Variants in SAMD12 observed in about 807,000 individuals in gnomAD.
SAMD12 encodes the protein sterile alpha motif domain-containing protein 12.
Under a neutral mutation model 15.0 loss-of-function variants are expected in SAMD12, and 9 were observed. The ratio of observed to expected loss-of-function variants is 0.60; its 90% CI spans 0.36 to 1.05. The LOEUF (loss-of-function observed/expected upper bound fraction) is 1.05, where lower values mean the gene tolerates loss of function less well. Among genes scored for constraint, SAMD12 ranks in the 50% least tolerant of loss-of-function variants. The pLI is 0.01. For synonymous variants in SAMD12, 86 were observed against 90.1 expected, an observed-to-expected ratio of 0.96 and a Z score of 0.25; for missense variants, 230 against 234.2, an observed-to-expected ratio of 0.98 and a Z score of 0.12.
At chr8:118,555,437 T>C (rs560669756) in intron 2 of SAMD12, among the ~76,000 whole-genome samples, 1 of 152,324 alleles carries the variant, frequency 6.6e-6, no homozygotes, top group African/African-American at 2.4e-5. Flanking sequence ...CTCCTCTCCA[T>C]TTCCCCTACA....
intron 2 of SAMD12, among the ~76,000 whole-genome samples, chr8:118,551,739 C>T (rs1826341684): frequency 1.3e-5 from 2 of 150,640 alleles, no homozygotes; most frequent in Admixed American, 1.3e-4. Context: ...AATCCAGGAG[C>T]TGGTTTTTTG....
chr8:118,215,035 T>C lies in SAMD12; in HGVS notation c.434-17303A>G, dbSNP rs1483939727. Among the ~76,000 whole-genome samples, 5 of 152,334 alleles carry C rather than the reference T, an allele frequency of 3.3e-5. No individual in the cohort carries two copies. In the East Asian group the frequency reaches 9.6e-4, roughly 29 times the overall value. ...CTATTTAAAAATCTGAATAAGAATA[T>C]TTAAGCTAGAGGAATATAGACATGA... is the stretch of plus-strand genomic sequence containing the variant. On this transcript the variant is annotated intron_variant, in intron 4 of 4. Transcript: ENST00000409003.
chr8:118,610,808 A>G (rs1486874043), intron 1 of SAMD12, among the ~76,000 whole-genome samples: 1 of 152,188 alleles, frequency 6.6e-6, no homozygotes, highest in Admixed American at 6.5e-5. Context: ...ATGAAAATAC[A>G]CATAATTTCC....
intron 3 of SAMD12, among the ~76,000 whole-genome samples, chr8:118,435,081 C>G (rs866171669): frequency 4.4e-5 from 1 of 22,512 alleles, no homozygotes; most frequent in Non-Finnish European, 1.3e-4. Context: ...CCAGCCTGGG[C>G]GACAGAGTGA....
chr8:118,240,649 T>A (rs1812542480), intron 4 of SAMD12, among the ~76,000 whole-genome samples: 1 of 152,168 alleles, frequency 6.6e-6, no homozygotes, highest in African/African-American at 2.4e-5. Context: ...AAATGGAAGC[T>A]ATAATTATTG....
intron 4 of SAMD12, among the ~76,000 whole-genome samples, chr8:118,314,187 T>C (rs1815765620): frequency 6.6e-6 from 1 of 152,166 alleles, no homozygotes; most frequent in African/African-American, 2.4e-5. Flanking sequence ...TTCTATAGCA[T>C]AAAATAAAAT....
chr8:118,305,199 C>G (rs1444357735), intron 4 of SAMD12, among the ~76,000 whole-genome samples: 1 of 137,492 alleles, frequency 7.3e-6, no homozygotes, highest in African/African-American at 2.6e-5. Context: ...GCATTAAGTA[C>G]GTTCACAGTG....
At chr8:118,209,741 T>C (rs1819965993) in intron 4 of SAMD12, among the ~76,000 whole-genome samples, 1 of 152,240 alleles carries the variant, frequency 6.6e-6, no homozygotes, top group Non-Finnish European at 1.5e-5. Context: ...TGCAAAGCTG[T>C]GGGGCTTAAA....
chr8:118,160,040 A>G, the SAMD12 span, among the ~76,000 whole-genome samples: 1 of 152,174 alleles, frequency 6.6e-6, no homozygotes, highest in African/African-American at 2.4e-5. Context: ...CTTTACAACA[A>G]GACCCAAAAG....
intron 1 of SAMD12, among the ~76,000 whole-genome samples, chr8:118,616,867 G>A (rs1446180414): frequency 6.6e-6 from 1 of 152,214 alleles, no homozygotes; most frequent in African/African-American, 2.4e-5. Flanking sequence ...GATTCTCAGA[G>A]GAGTGCAAAC....
At chr8:118,283,307 A>G (rs76545892) in intron 4 of SAMD12, among the ~76,000 whole-genome samples, 1,744 of 152,292 alleles carry the variant, frequency 0.011, 13 homozygotes, top group Admixed American at 0.024. Context: ...TCATCAATCA[A>G]TGAATATGAT....
chr8:118,426,870 A>G (rs989443424), intron 3 of SAMD12, among the ~76,000 whole-genome samples: 2 of 152,232 alleles, frequency 1.3e-5, no homozygotes, highest in Non-Finnish European at 2.9e-5. Flanking sequence ...TTTTTAATTA[A>G]AAAATATTAA....
At chr8:118,385,060 G>A (rs967033117) in intron 3 of SAMD12, among the ~76,000 whole-genome samples, 2 of 152,124 alleles carry the variant, frequency 1.3e-5, no homozygotes, top group Non-Finnish European at 2.9e-5. Context: ...GCAATCTGAA[G>A]CTTGAGCATA....
intron 2 of SAMD12, among the ~76,000 whole-genome samples, chr8:118,554,116 T>A (rs1214736012): frequency 1.3e-5 from 2 of 151,970 alleles, no homozygotes; most frequent in African/African-American, 4.8e-5. Context: ...ATTGTGGAAG[T>A]CAGTGTGGTG....
chr8:118,377,435 A>G (rs895518617), downstream of SAMD12, among the ~76,000 whole-genome samples: 13 of 152,166 alleles, frequency 8.5e-5, no homozygotes, highest in Non-Finnish European at 1.8e-4. Flanking sequence ...CTATGTAAAG[A>G]ACAAGCAATA....
intron 1 of SAMD12, among the ~76,000 whole-genome samples, chr8:118,619,494 A>AT (rs1423743666): frequency 1.3e-5 from 2 of 151,332 alleles, no homozygotes; most frequent in Non-Finnish European, 2.9e-5. Flanking sequence ...AAAAAAAAAA[A>AT]AAATCTCCCA....
At chr8:118,598,828 G>A (rs949544272) in intron 1 of SAMD12, among the ~76,000 whole-genome samples, 3 of 152,152 alleles carry the variant, frequency 2.0e-5, no homozygotes, top group African/African-American at 7.2e-5. Flanking sequence ...TCTGAAGAAC[G>A]TATGCAATCA....
At chr8:118,165,628 A>ACATATATACG in the SAMD12 span, among the ~76,000 whole-genome samples, 4 of 144,032 alleles carry the variant, frequency 2.8e-5, no homozygotes, top group South Asian at 8.6e-4. Flanking sequence ...ATATATATAT[A>ACATATATACG]TATATATACA....
At chr8:118,573,737 A>G (rs1827080155) in intron 2 of SAMD12, among the ~76,000 whole-genome samples, 1 of 152,242 alleles carries the variant, frequency 6.6e-6, no homozygotes, top group African/African-American at 2.4e-5. Context: ...TCAGTAAGAC[A>G]TCCTCTGCTC....
Sources: allele counts gnomAD v4.1 joint callset (sites outside exome capture counted in the v4.1 genomes callset), GRCh38; gene constraint gnomAD v4.1.1; transcripts MANE v1.5; gene names NCBI Gene and HGNC (gene_info 2026-07-23, HGNC 2026-07-21).